The following MARCHF1 variants were observed in gnomAD, a reference collection of about 807,000 sequenced individuals.
MARCHF1 encodes the protein E3 ubiquitin-protein ligase MARCHF1.
A neutral mutation model predicts 54.2 loss-of-function variants in MARCHF1; 40 were observed. The observed-to-expected ratio is 0.74, with a 90% CI of 0.57 to 0.96. MARCHF1 has a LOEUF of 0.96. Among genes scored for constraint, MARCHF1 ranks in the 40% least tolerant of loss-of-function variants. MARCHF1 has a pLI of 0.00. For synonymous variants in MARCHF1, 236 were observed against 236.3 expected, an observed-to-expected ratio of 1.00 and a Z score of 0.01; for missense variants, 586 against 656.5, an observed-to-expected ratio of 0.89 and a Z score of 1.17.
chr4:164,194,748 G>A (rs1211949273), intron 1 of MARCHF1, among the ~76,000 whole-genome samples: 2 of 151,962 alleles, frequency 1.3e-5, no homozygotes, highest in African/African-American at 4.8e-5. Context: ...TAATATTTCA[G>A]AAATTCTAAA....
chr4:163,662,224 A>G (rs1443065208), intron 5 of MARCHF1, among the ~76,000 whole-genome samples: 1 of 151,954 alleles, frequency 6.6e-6, no homozygotes, highest in African/African-American at 2.4e-5. Flanking sequence ...AAATAATGAA[A>G]TTTCACATAT....
In MARCHF1 at chr4:164,144,033, A is replaced by C. The variant is rs1729587737; in HGVS notation, c.-322-32371T>G. Among the ~76,000 whole-genome samples, 3 of 152,210 alleles carry C rather than the reference A, an allele frequency of 2.0e-5. 1 individual carries two copies. Among genetic ancestry groups the C allele is most frequent in the Admixed American group, 6.5e-5 (1 of 15,282 alleles). On this transcript the variant is annotated intron_variant, in intron 1 of 9. Transcript: ENST00000514618. ...AGGGGTTGCAATCCTAGTCTCTGAT[A>C]AAACAGGCTTTAAACCAACAAAGAT...
intron 1 of MARCHF1, among the ~76,000 whole-genome samples, chr4:164,169,100 CA>C (rs1282339420): frequency 1.3e-5 from 2 of 151,802 alleles, no homozygotes; most frequent in Admixed American, 6.6e-5. Context: ...GCCCTTGTCA[CA>C]AAAAAAGTAA....
At chr4:163,750,299 C>T (rs1235228747) in intron 4 of MARCHF1, among the ~76,000 whole-genome samples, 1 of 151,892 alleles carries the variant, frequency 6.6e-6, no homozygotes, top group African/African-American at 2.4e-5. Flanking sequence ...ATCATGAGGT[C>T]AGGAGATCGA....
intron 4 of MARCHF1, among the ~76,000 whole-genome samples, chr4:163,706,231 A>G (rs1416611710): frequency 6.6e-6 from 1 of 151,978 alleles, no homozygotes; most frequent in Non-Finnish European, 1.5e-5. Flanking sequence ...CTACTGCTCT[A>G]TGCTGGGATG....
At chr4:163,748,456 A>G (rs1298484381) in intron 4 of MARCHF1, among the ~76,000 whole-genome samples, 1 of 151,658 alleles carries the variant, frequency 6.6e-6, no homozygotes, top group African/African-American at 2.4e-5. Context: ...AATTAAAGGT[A>G]TTGCATTGAA....
chr4:164,157,487 T>G (rs34314037), intron 1 of MARCHF1, among the ~76,000 whole-genome samples: 6,918 of 152,292 alleles, frequency 0.045, 217 homozygotes, highest in Middle Eastern at 0.15. Flanking sequence ...TTCCTAGGGC[T>G]ACAATAACAA....
chr4:163,800,128 A>T (rs1011505664), intron 4 of MARCHF1, among the ~76,000 whole-genome samples: 1 of 152,034 alleles, frequency 6.6e-6, no homozygotes, highest in Non-Finnish European at 1.5e-5. Context: ...GAAACTGGGA[A>T]CTACTAGGGC....
rs114809480 is a variant in MARCHF1 at position 163,674,743 on chromosome 4, T to C, written c.162+26070A>G. Among the ~76,000 whole-genome samples the C allele has an allele frequency of 7.1e-3, 1,074 of 152,290 alleles. 8 individuals carry two copies. The highest frequency in any genetic ancestry group is 0.023 in the African/African-American group (976 of 41,558). ...ATTTGAAGCACAATAATTAGACTTATAATTTAAATAAGTATAATATGTATA... is the reference window on the plus strand; with the variant it reads ...ATTTGAAGCACAATAATTAGACTTACAATTTAAATAAGTATAATATGTATA... On this transcript the variant is annotated intron_variant, in intron 5 of 9. Coordinates refer to ENST00000514618, the MANE Select transcript of MARCHF1 (RefSeq NM_001394959.1).
chr4:164,147,119 A>G (rs1405785024), intron 1 of MARCHF1, among the ~76,000 whole-genome samples: 3 of 152,292 alleles, frequency 2.0e-5, no homozygotes, highest in African/African-American at 7.2e-5. Context: ...CAAAACCACT[A>G]TGAGATACCA....
chr4:164,380,449 A>T (rs951607413), intron 1 of MARCHF1, among the ~76,000 whole-genome samples: 4 of 152,154 alleles, frequency 2.6e-5, no homozygotes, highest in Non-Finnish European at 4.4e-5. Context: ...ATGTTTACAG[A>T]CTCCGACCCT....
At chr4:163,664,481 A>C (rs1743460275) in intron 5 of MARCHF1, among the ~76,000 whole-genome samples, 1 of 152,096 alleles carries the variant, frequency 6.6e-6, no homozygotes, top group Admixed American at 6.6e-5. Context: ...TTCTTTGAAG[A>C]AATGGAGGAG....
intron 3 of MARCHF1, among the ~76,000 whole-genome samples, chr4:163,928,968 T>C (rs1751596768): frequency 6.6e-6 from 1 of 151,974 alleles, no homozygotes; most frequent in Non-Finnish European, 1.5e-5. Context: ...TATGTGCTTC[T>C]ATTTAAGAAG....
chr4:163,982,872 CA>C (rs1229104092), intron 3 of MARCHF1, among the ~76,000 whole-genome samples: 1 of 152,106 alleles, frequency 6.6e-6, no homozygotes. Flanking sequence ...TGTCTCTTCC[CA>C]AAAACCATTT....
intron 1 of MARCHF1, among the ~76,000 whole-genome samples, chr4:164,199,478 C>T (rs1308358384): frequency 6.6e-6 from 1 of 151,846 alleles, no homozygotes; most frequent in Admixed American, 6.6e-5. Flanking sequence ...CTGGTTGTTA[C>T]CAAAAAATAC....
At chr4:164,227,701 A>C (rs1732298376) in intron 1 of MARCHF1, among the ~76,000 whole-genome samples, 1 of 152,134 alleles carries the variant, frequency 6.6e-6, no homozygotes, top group South Asian at 2.1e-4. Context: ...TGCTTCTTGT[A>C]CCTACTCAAT....
At chr4:163,807,615 A>C (rs72685630) in intron 4 of MARCHF1, among the ~76,000 whole-genome samples, 5,827 of 152,284 alleles carry the variant, frequency 0.038, 164 homozygotes, top group South Asian at 0.074. Flanking sequence ...ATGTTTTGCT[A>C]TTAAAATAAT....
chr4:163,745,365 A>C (rs1181235185), intron 4 of MARCHF1, among the ~76,000 whole-genome samples: 2 of 152,028 alleles, frequency 1.3e-5, no homozygotes, highest in Admixed American at 6.5e-5. Flanking sequence ...CACCGGCCTC[A>C]GCCTCCCAAA....
chr4:163,680,328 G>A (rs945871128), intron 5 of MARCHF1, among the ~76,000 whole-genome samples: 5 of 152,156 alleles, frequency 3.3e-5, no homozygotes, highest in Admixed American at 1.3e-4. Flanking sequence ...AAAGCCTTTT[G>A]AGATACCACA....
Sources: gnomAD v4.1 joint callset for allele counts (sites outside exome capture counted in the v4.1 genomes callset) on GRCh38, gnomAD v4.1.1 for gene constraint, MANE v1.5 for transcripts, NCBI Gene and HGNC (gene_info 2026-07-23, HGNC 2026-07-21) for gene names.